The following SF3B1 variants were observed in gnomAD, a reference collection of about 807,000 sequenced individuals.
SF3B1 encodes pre-mRNA processing 10.
A neutral mutation model predicts 153.8 loss-of-function variants in SF3B1; 12 were observed. That is an observed-to-expected ratio of 0.08 (90% CI 0.05 to 0.13). The LOEUF (loss-of-function observed/expected upper bound fraction) is 0.13, where lower values mean the gene tolerates loss of function less well. SF3B1 is among the 10% of genes least tolerant of loss of function. The probability of loss-of-function intolerance (pLI) is 1.00; values close to 1 mark genes in which losing one functional copy is unlikely to be tolerated. For missense variants in SF3B1, 513 were observed against 1,606.1 expected (o/e 0.32, Z 11.63); for synonymous variants, 498 against 525.2 (o/e 0.95, Z 0.71).
rs957702443 is a variant in SF3B1 at position 197,392,441 on chromosome 2, C to G, written c.3777G>C (p.Arg1259=). The G allele has an allele frequency of 1.7e-5, 27 of 1,606,450 alleles. No homozygotes were observed. The highest frequency in any genetic ancestry group is 2.1e-5 in the Non-Finnish European group (25 of 1,174,892). ...TTTTCCAATATACATCTCTGACTTTCCGGGCTGGGTGAAACAGACCCTAAA... is the reference window on the plus strand; with the variant it reads ...TTTTCCAATATACATCTCTGACTTTGCGGGCTGGGTGAAACAGACCCTAAA... The part of the protein sequence containing the change: ...YCLQGLFHPA[R]KVRDVYWKIY... Residue 1259 remains arginine (R), a synonymous_variant, in exon 25 of 25, where the codon CGG becomes CGC. Coordinates refer to ENST00000335508, the MANE Select transcript of SF3B1 (RefSeq NM_012433.4).
chr2:197,418,446 T>C, intron 5 of SF3B1, 63 bp downstream of exon 5: 6 of 1,223,704 alleles, frequency 4.9e-6, no homozygotes, highest in Non-Finnish European at 5.8e-6. Flanking sequence ...CCTAACAGTC[T>C]CTCAATCACA....
chr2:197,399,418 TA>T (rs1464158764), intron 20 of SF3B1, among the ~76,000 whole-genome samples: 3 of 151,980 alleles, frequency 2.0e-5, no homozygotes, highest in South Asian at 4.2e-4. Context: ...ATAATCAATT[TA>T]AAAAAAAGAT....
chr2:197,426,466 C>CT (rs201455233), intron 1 of SF3B1, among the ~76,000 whole-genome samples: 157 of 150,922 alleles, frequency 1.0e-3, no homozygotes, highest in African/African-American at 3.1e-3. Context: ...CAGCTTCAGG[C>CT]TTTTTTTTTA....
At chr2:197,418,875 T>C (rs1477810358) in intron 4 of SF3B1, 18 of 1,575,514 alleles carry the variant, frequency 1.1e-5, no homozygotes, top group Non-Finnish European at 1.6e-5. Context: ...GGTTCCTGGG[T>C]TGCTAATCCG....
intron 6 of SF3B1, among the ~76,000 whole-genome samples, chr2:197,413,127 A>T (rs1340046876): frequency 6.6e-6 from 1 of 151,992 alleles, no homozygotes; most frequent in Non-Finnish European, 1.5e-5. Context: ...TTGGCTGGAC[A>T]TGGTGGCTCA....
At chr2:197,392,833 A>T (rs532117236) in intron 24 of SF3B1, 139 bp downstream of exon 24, 14 of 620,714 alleles carry the variant, frequency 2.3e-5, no homozygotes, top group African/African-American at 2.2e-4. Context: ...CCTAGATGAC[A>T]GGTTGATAGG....
At position 197,419,919 on chromosome 2, in the gene SF3B1, T is replaced by C. The variant is rs530674402; in HGVS notation, c.415+509A>G. 46 of 222,416 alleles carry C rather than the reference T, an allele frequency of 2.1e-4. No homozygotes were observed. The South Asian group carries it at 8.3e-3, about 40-fold the overall frequency. The allele number at this position is 222,416 out of a possible 1,614,324, so 13.8% of individuals were successfully genotyped here. A position where few individuals can be genotyped will look rare whatever the true frequency, so the allele number is the denominator to read the frequency against. On this transcript the variant is annotated intron_variant, in intron 4 of 24. Transcript: ENST00000335508. Reference sequence around the variant, plus strand: ...AAATTAGCAAAACAGACTCCAACTATTAAAAATATCAAACTCTTCGTATAC... The same window carrying C: ...AAATTAGCAAAACAGACTCCAACTACTAAAAATATCAAACTCTTCGTATAC...
chr2:197,425,112 C>A (rs2085312660), intron 1 of SF3B1, among the ~76,000 whole-genome samples: 1 of 152,068 alleles, frequency 6.6e-6, no homozygotes. Flanking sequence ...GCCGAGATCA[C>A]GTGCCACTGC....
rs191113356 is a variant in SF3B1 at position 197,405,404 on chromosome 2, T to C, written c.1308A>G (p.Thr436=). The C allele has an allele frequency of 1.3e-5, 21 of 1,613,948 alleles. No homozygotes were observed. The East Asian group carries it at 2.5e-4, about 19-fold the overall frequency. Residue 436 remains threonine, a synonymous_variant, in exon 10 of 25, where the codon ACA becomes ACG. Transcript: ENST00000335508. ...TPARKLTATP[T]PLGGMTGFHM... is the part of the protein sequence containing the mutation. Reference sequence around the variant, plus strand: ...GGAAACCAGTCATACCACCCAAAGGTGTTGGAGTAGCTGTCAGCTTTCGAG... The same window carrying C: ...GGAAACCAGTCATACCACCCAAAGGCGTTGGAGTAGCTGTCAGCTTTCGAG...
In SF3B1 at chr2:197,401,268, C is replaced by T; in HGVS notation, c.2496+132G>A. The T allele has an allele frequency of 1.2e-6, 1 of 836,206 alleles. No homozygotes were observed. The allele number at this position is 836,206 out of a possible 1,614,324, so 51.8% of individuals were successfully genotyped here. ...AGTTAACTGGCTGACTAAAATCCAT[C>T]TCCTTTCATAATCAAGCACATATAA... is the stretch of plus-strand genomic sequence containing the variant. On this transcript the variant is annotated intron_variant, in intron 17 of 24. Coordinates refer to ENST00000335508, the MANE Select transcript of SF3B1 (RefSeq NM_012433.4). The surrounding 1 kb of genome is among the most constrained non-coding windows in gnomAD (Gnocchi z 4.2).
In SF3B1 at chr2:197,400,950, A is replaced by G. The variant is rs2105983127; in HGVS notation, c.2497-14T>C. The G allele has an allele frequency of 1.3e-6, 2 of 1,539,724 alleles. No individual in the cohort carries two copies. Among genetic ancestry groups the G allele is most frequent in the Non-Finnish European group, 1.8e-6 (2 of 1,120,784 alleles). On this transcript the variant is annotated splice_polypyrimidine_tract_variant and intron_variant, in intron 17 of 24. Transcript: ENST00000335508. The surrounding 1 kb of genome is among the most constrained non-coding windows in gnomAD (Gnocchi z 5.0). ...AGTATCAACTAACTAAAAAGAACAG[A>G]AAAACAAAAAACCTTTTAGACTGCT...
chr2:197,420,963 C>A, intron 3 of SF3B1, 66 bp downstream of exon 3: 1 of 950,068 alleles, frequency 1.1e-6, no homozygotes, highest in African/African-American at 1.7e-5. Flanking sequence ...TTATGGATTT[C>A]TATGGGAACT....
intron 24 of SF3B1, among the ~76,000 whole-genome samples, chr2:197,392,674 T>C (rs1413815628): frequency 6.7e-6 from 1 of 149,288 alleles, no homozygotes; most frequent in African/African-American, 2.5e-5. Flanking sequence ...TGGCACAATA[T>C]ACCCTAATGA....
chr2:197,417,787 A>G (rs1205996162), intron 5 of SF3B1, among the ~76,000 whole-genome samples: 1 of 152,024 alleles, frequency 6.6e-6, no homozygotes, highest in Non-Finnish European at 1.5e-5. Context: ...GGCAGTTATT[A>G]GACAAAATGG....
At position 197,432,433 on chromosome 2, in the gene SF3B1, G is replaced by A. The variant is rs532245282; in HGVS notation, c.28+2539C>T. Among the ~76,000 whole-genome samples the A allele has an allele frequency of 4.6e-5, 7 of 152,338 alleles. No individual in the cohort carries two copies. The South Asian group carries it at 1.2e-3, about 27-fold the overall frequency. On this transcript the variant is annotated intron_variant, in intron 1 of 24. Coordinates refer to ENST00000335508, the MANE Select transcript of SF3B1 (RefSeq NM_012433.4). ...CATAACCATACACCTGACATAATAC[G>A]TGGAAAGATCTAAAAGATTTTATCT...
chr2:197,399,724 C>G (rs2084918321), intron 20 of SF3B1, among the ~76,000 whole-genome samples: 1 of 152,108 alleles, frequency 6.6e-6, no homozygotes, highest in African/African-American at 2.4e-5. Context: ...CCTTTTCACC[C>G]CGCAGCAGAA....
intron 11 of SF3B1, chr2:197,404,624 A>ATCCTTCACACTACATAAATT (rs2084970634): frequency 6.6e-6 from 1 of 152,196 alleles, no homozygotes; most frequent in African/African-American, 2.4e-5. Flanking sequence ...AAAAAGTTAA[A>ATCCTTCACACTACATAAATT]TCCTTCACAC....
chr2:197,403,074 C>T (rs768691053), intron 12 of SF3B1, 39 bp from the exon 13 acceptor site: 2 of 1,372,042 alleles, frequency 1.5e-6, no homozygotes, highest in Non-Finnish European at 2.1e-6. Context: ...ACTTTCACAT[C>T]AATTACTGAT....
At position 197,389,901 on chromosome 2, in the gene SF3B1, A is replaced by G. The variant is rs1342956638; in HGVS notation, c.*2402T>C. Reference sequence around the variant, plus strand: ...AACAGCCAGAGATCAATTCCATTAGAGGGCGATGGCCCACAGAAAAACCAA... The same window carrying G: ...AACAGCCAGAGATCAATTCCATTAGGGGGCGATGGCCCACAGAAAAACCAA... On this transcript the variant is annotated 3_prime_UTR_variant, in exon 25 of 25. Transcript: ENST00000335508. 6.6e-6 allele frequency: 1 copy of G among 152,242 alleles called. No individual in the cohort carries two copies. The highest frequency in any genetic ancestry group is 1.5e-5 in the Non-Finnish European group (1 of 68,048). 9.4% of individuals were successfully genotyped at this position (152,242 alleles called of 1,614,324 possible).
Sources: gnomAD v4.1 joint callset for allele counts (sites outside exome capture counted in the v4.1 genomes callset) on GRCh38, gnomAD v4.1.1 for gene constraint, Gnocchi (gnomAD v3.1) non-coding constraint, MANE v1.5 for transcripts, NCBI Gene and HGNC (gene_info 2026-07-23, HGNC 2026-07-21) for gene names.